SCRT2: variants seen among roughly 807,000 people sequenced by gnomAD.
SCRT2 encodes scratch family transcriptional repressor 2, also known as transcriptional repressor scratch 2.
SCRT2 carries 2 observed loss-of-function variants against 3.7 expected under a neutral mutation model. The ratio of observed to expected loss-of-function variants is 0.54; its 90% CI spans 0.22 to 1.70. The LOEUF (loss-of-function observed/expected upper bound fraction) is 1.70. Ranked by LOEUF, SCRT2 falls within the 40% of genes most tolerant of loss-of-function variation. The pLI, the probability that SCRT2 is intolerant of heterozygous loss-of-function variation, is 0.19. For synonymous variants in SCRT2, 256 were observed against 220.6 expected (o/e 1.16, Z -1.42); for missense variants, 456 against 468.5 (o/e 0.97, Z 0.25).
chr20:674,391 TCTCTCTCTCACACACACA>T (rs1984444015), intron 1 of SCRT2, among the ~76,000 whole-genome samples: 1 of 97,606 alleles, frequency 1.0e-5, no homozygotes, highest in African/African-American at 3.7e-5. Flanking sequence ...TCTCTCTCTC[TCTCTCTCTCACACACACA>T]CACACACACA....
At position 666,382 on chromosome 20, in the gene SCRT2, A is replaced by G. The variant is rs970970145; in HGVS notation, c.134-1921T>C. Among the ~76,000 whole-genome samples, 3 of 150,772 alleles carry G rather than the reference A, an allele frequency of 2.0e-5. No homozygotes were observed. The highest frequency in any genetic ancestry group is 3.0e-5 in the Non-Finnish European group (2 of 67,704). On this transcript the variant is annotated intron_variant, in intron 1 of 1. Coordinates refer to ENST00000246104, the MANE Select transcript of SCRT2 (RefSeq NM_033129.4). This position sits in a 1 kb window ranked among gnomAD's most constrained non-coding sequence, Gnocchi z 4.4. ...TTAAATACCCGTCAGGCACTCCCAG[A>G]CCCCCCTCCTTCTCCTTCTGTATTT...
In SCRT2 at chr20:664,405, G is replaced by T; in HGVS notation, c.190C>A (p.Leu64Met). The T allele has an allele frequency of 7.2e-7, 1 of 1,381,084 alleles. No individual in the cohort carries two copies. Among genetic ancestry groups the T allele is most frequent in the Non-Finnish European group, 9.5e-7 (1 of 1,055,804 alleles). 85.6% of individuals were successfully genotyped at this position (1,381,084 alleles called of 1,614,324 possible). ...SSYDADQKPG[L>M]ELAPAEPAYP... ...GCGGGCTCGGCCGGGGCCAGCTCCA[G>T]GCCCGGCTTCTGGTCCGCATCGTAG... Residue 64 changes from leucine to methionine, a missense_variant, in exon 2 of 2, where the codon CTG (leucine) becomes ATG (methionine). Around this residue, in one of 3 missense-constraint regions of SCRT2, gnomAD observed 306 missense variants for 305.3 expected, o/e 1.00. Coordinates refer to ENST00000246104, the MANE Select transcript of SCRT2 (RefSeq NM_033129.4). The surrounding 1 kb of genome is among the most constrained non-coding windows in gnomAD (Gnocchi z 7.9).
At chr20:672,129 G>A (rs186034976) in intron 1 of SCRT2, among the ~76,000 whole-genome samples, 1 of 152,164 alleles carries the variant, frequency 6.6e-6, no homozygotes, top group Non-Finnish European at 1.5e-5. Context: ...TCACCCAGGG[G>A]AGAAGAGGGG....
At chr20:669,799 C>T (rs1321373983) in intron 1 of SCRT2, among the ~76,000 whole-genome samples, 1 of 152,238 alleles carries the variant, frequency 6.6e-6, no homozygotes, top group Non-Finnish European at 1.5e-5. Flanking sequence ...GTACCTCCCC[C>T]TCCCCTTATT....
In SCRT2 at chr20:675,548, G is replaced by T; in HGVS notation, c.54C>A (p.Ser18Arg). 7.2e-7 allele frequency: 1 copy of T among 1,395,390 alleles called. No individual in the cohort carries two copies. The highest frequency in any genetic ancestry group is 1.8e-5 in the South Asian group (1 of 55,612). 86.4% of individuals were successfully genotyped at this position (1,395,390 alleles called of 1,614,324 possible). Residue 18 changes from serine to arginine, a missense_variant, in exon 1 of 2, where the codon AGC becomes AGA. By Grantham distance (110) the Ser-to-Arg change is moderately radical. This residue lies in a region of SCRT2 where 306 missense variants were observed against 305.3 expected (regional missense o/e 1.00). Transcript: ENST00000246104. This position sits in a 1 kb window ranked among gnomAD's most constrained non-coding sequence, Gnocchi z 6.9. ...GGTGGTAGGTGGGGGCCGGCACCCCGCTGCACTGGAAGCCGTCCCCTTTGA... is the reference window on the plus strand; with the variant it reads ...GGTGGTAGGTGGGGGCCGGCACCCCTCTGCACTGGAAGCCGTCCCCTTTGA... Reference protein sequence around the residue: ...KKIKGDGFQCSGVPAPTYHPL... With the variant: ...KKIKGDGFQCRGVPAPTYHPL...
At position 674,688 on chromosome 20, in the gene SCRT2, A is replaced by AGTGTGTGTGT. The variant is rs759385819; in HGVS notation, c.133+771_133+780dup. Among the ~76,000 whole-genome samples, 22 of 129,440 alleles carry AGTGTGTGTGT rather than the reference A, an allele frequency of 1.7e-4. No homozygotes were observed. In the East Asian group the frequency reaches 2.3e-3, roughly 14 times the overall value. The allele number at this position is 129,440 out of a possible 152,430, so 84.9% of individuals were successfully genotyped here. A position where few individuals can be genotyped will look rare whatever the true frequency, so the allele number is the denominator to read the frequency against. ...AGGAACTTGTTCTGAGAAGAGATGG[A>AGTGTGTGTGT]GTGTGTGTGTGTGTGTGTGTGTGTG... On this transcript the variant is annotated intron_variant, in intron 1 of 1. Transcript: ENST00000246104.
chr20:663,279 CAG>C lies in SCRT2; in HGVS notation c.*390_*391del, dbSNP rs1984018974. ...TTGGGGGCTCCAGTAGAGGAATGGT[CAG>C]AGAGATTCAGCTGAGAAGCGAGAGA... On this transcript the variant is annotated 3_prime_UTR_variant, in exon 2 of 2. Coordinates refer to ENST00000246104, the MANE Select transcript of SCRT2 (RefSeq NM_033129.4). This position sits in a 1 kb window ranked among gnomAD's most constrained non-coding sequence, Gnocchi z 6.9. 5.0e-6 allele frequency: 1 copy of C among 201,328 alleles called. No individual in the cohort carries two copies. The highest frequency in any genetic ancestry group is 6.1e-5 in the Admixed American group (1 of 16,392). The allele number at this position is 201,328 out of a possible 1,614,324, so 12.5% of individuals were successfully genotyped here.
Position 662,970 on chromosome 20 carries a change from C to T in SCRT2, c.*701G>A, listed in dbSNP as rs1395311322. On this transcript the variant is annotated 3_prime_UTR_variant, in exon 2 of 2. Transcript: ENST00000246104. Reference sequence around the variant, plus strand: ...GAGTGGGTGATGAGATCCCCATGGACTGAAGACAGTAGGAACTGTGTGTGG... The same window carrying T: ...GAGTGGGTGATGAGATCCCCATGGATTGAAGACAGTAGGAACTGTGTGTGG... 6.5e-6 allele frequency: 1 copy of T among 152,766 alleles called. No homozygotes were observed. Among genetic ancestry groups the T allele is most frequent in the Non-Finnish European group, 1.5e-5 (1 of 68,530 alleles). 9.5% of individuals were successfully genotyped at this position (152,766 alleles called of 1,614,324 possible). A position where few individuals can be genotyped will look rare whatever the true frequency, so the allele number is the denominator to read the frequency against.
Position 675,310 on chromosome 20 carries a change from G to A in SCRT2, c.133+159C>T, listed in dbSNP as rs752096403. On this transcript the variant is annotated intron_variant, in intron 1 of 1. Coordinates refer to ENST00000246104, the MANE Select transcript of SCRT2 (RefSeq NM_033129.4). The surrounding 1 kb of genome is among the most constrained non-coding windows in gnomAD (Gnocchi z 6.9). ...GTACGACCTAGCCCCTGCCCCGCCC[G>A]CACGGCCCTTGGAAAGCCCGGGAGG... Among the ~76,000 whole-genome samples, 3 of 152,024 alleles carry A rather than the reference G, an allele frequency of 2.0e-5. No individual in the cohort carries two copies. The highest frequency in any genetic ancestry group is 7.2e-5 in the African/African-American group (3 of 41,402).
In SCRT2 at chr20:675,650, G is replaced by A. The variant is rs1342389813; in HGVS notation, c.-49C>T. The A allele has an allele frequency of 6.5e-6, 8 of 1,227,914 alleles. No individual in the cohort carries two copies. The highest frequency in any genetic ancestry group is 1.0e-6 in the Non-Finnish European group (1 of 971,256). 76.1% of individuals were successfully genotyped at this position (1,227,914 alleles called of 1,614,324 possible). Reference sequence around the variant, plus strand: ...TGCGGGGAGGCGGCCGGCCGGGCGCGATCGGCTGTGTCCGCGCGGGTTTTC... The same window carrying A: ...TGCGGGGAGGCGGCCGGCCGGGCGCAATCGGCTGTGTCCGCGCGGGTTTTC... On this transcript the variant is annotated 5_prime_UTR_variant, in exon 1 of 2. Transcript: ENST00000246104. This position sits in a 1 kb window ranked among gnomAD's most constrained non-coding sequence, Gnocchi z 6.9.
Position 664,143 on chromosome 20 carries a change from CCGCCCGCCTGCGCCCCCGCGCGCCCCGCG to C in SCRT2, c.423_451del (p.Ala142ArgfsTer238). On this transcript the variant is annotated frameshift_variant, in exon 2 of 2. Coordinates refer to ENST00000246104, the MANE Select transcript of SCRT2 (RefSeq NM_033129.4). LOFTEE classifies it low-confidence loss of function (END_TRUNC). The surrounding 1 kb of genome is among the most constrained non-coding windows in gnomAD (Gnocchi z 7.9). Reference sequence around the variant, plus strand: ...CTCGGCGCACGCGTGCCGGTGCCCGCCGCCCGCCTGCGCCCCCGCGCGCCCCGCGCGCCCCCCGGCGCCCCCCGCGTCTC... The same window carrying C: ...CTCGGCGCACGCGTGCCGGTGCCCGCCGCCCCCCGGCGCCCCCCGCGTCTC... The C allele has an allele frequency of 7.2e-7, 1 of 1,395,920 alleles. No individual in the cohort carries two copies. Among genetic ancestry groups the C allele is most frequent in the South Asian group, 1.6e-5 (1 of 62,262 alleles). The allele number at this position is 1,395,920 out of a possible 1,614,324, so 86.5% of individuals were successfully genotyped here.
intron 1 of SCRT2, among the ~76,000 whole-genome samples, chr20:674,717 GTGTGTGTGTGTGTGTA>G (rs1435326896): frequency 0.01 from 745 of 72,748 alleles, 7 homozygotes; most frequent in African/African-American, 0.042. Context: ...GTGTGTGTGT[GTGTGTGTGTGTGTGTA>G]TGTGTAGTGA....
chr20:669,255 C>G (rs1243738214), intron 1 of SCRT2, among the ~76,000 whole-genome samples: 1 of 152,192 alleles, frequency 6.6e-6, no homozygotes, highest in African/African-American at 2.4e-5. Flanking sequence ...TGAGCACTTA[C>G]TTGGTGCAAG....
Position 663,783 on chromosome 20 carries a change from C to T in SCRT2, c.812G>A (p.Arg271His), listed in dbSNP as rs760009226. 6.3e-7 allele frequency: 1 copy of T among 1,590,908 alleles called. No homozygotes were observed. ...GAGCGCGAAGCTCTTGTCGCACTGG[C>T]GGCAGCGGTAGTGCTTGAAGGCCGA... ...THSAFKHYRC[R>H]QCDKSFALKS... The change falls in exon 2 of 2, where the codon CGC (arginine) becomes CAC (histidine). Residue 271 changes from arginine (R) to histidine (H), a missense_variant. Around this residue, in one of 3 missense-constraint regions of SCRT2, gnomAD observed 144 missense variants for 141.9 expected, o/e 1.01. Coordinates refer to ENST00000246104, the MANE Select transcript of SCRT2 (RefSeq NM_033129.4). The surrounding 1 kb of genome is among the most constrained non-coding windows in gnomAD (Gnocchi z 6.9).
chr20:665,798 A>T lies in SCRT2; in HGVS notation c.134-1337T>A, dbSNP rs893181485. Among the ~76,000 whole-genome samples the T allele has an allele frequency of 2.0e-5, 3 of 152,084 alleles. No homozygotes were observed. Among genetic ancestry groups the T allele is most frequent in the African/African-American group, 7.2e-5 (3 of 41,396 alleles). Reference sequence around the variant, plus strand: ...GGAGGTTTCCCACCTGGGGAGTGGGATTTGACCTTCTCCTGGTGACCCCTG... The same window carrying T: ...GGAGGTTTCCCACCTGGGGAGTGGGTTTTGACCTTCTCCTGGTGACCCCTG... On this transcript the variant is annotated intron_variant, in intron 1 of 1. Transcript: ENST00000246104. The surrounding 1 kb of genome is among the most constrained non-coding windows in gnomAD (Gnocchi z 5.0).
rs764740282 is a variant in SCRT2, at chr20:662,083, G to A, written c.*1588C>T. ...CCGTGCGCGTGGAGGTGTGTGCTTC[G>A]GTCCTCGCCCGGGCATGCAAAAGCG... On this transcript the variant is annotated 3_prime_UTR_variant, in exon 2 of 2. Coordinates refer to ENST00000246104, the MANE Select transcript of SCRT2 (RefSeq NM_033129.4). 1 of 152,882 alleles carries A rather than the reference G, an allele frequency of 6.5e-6. No homozygotes were observed. The highest frequency in any genetic ancestry group is 2.4e-5 in the African/African-American group (1 of 41,474). The allele number at this position is 152,882 out of a possible 1,614,324, so 9.5% of individuals were successfully genotyped here.
chr20:675,476 C>A lies in SCRT2; in HGVS notation c.126G>T (p.Gly42=). The A allele has an allele frequency of 3.0e-6, 4 of 1,347,864 alleles. No individual in the cohort carries two copies. Among genetic ancestry groups the A allele is most frequent in the Non-Finnish European group, 3.8e-6 (4 of 1,045,398 alleles). The allele number at this position is 1,347,864 out of a possible 1,614,324, so 83.5% of individuals were successfully genotyped here. A position where few individuals can be genotyped will look rare whatever the true frequency, so the allele number is the denominator to read the frequency against. The change falls in exon 1 of 2, where the codon GGG becomes GGT. Residue 42 remains glycine, a synonymous_variant. Coordinates refer to ENST00000246104, the MANE Select transcript of SCRT2 (RefSeq NM_033129.4). The surrounding 1 kb of genome is among the most constrained non-coding windows in gnomAD (Gnocchi z 6.9). ...YVLPGARGPP[G]DNGYAPHRLP... ...CCGCCGGGTCCCACTCACCGTTGTCCCCGGGAGGCCCCCGGGCGCCAGGCA... is the reference window on the plus strand; with the variant it reads ...CCGCCGGGTCCCACTCACCGTTGTCACCGGGAGGCCCCCGGGCGCCAGGCA...
chr20:671,574 T>A (rs1984331963), intron 1 of SCRT2, among the ~76,000 whole-genome samples: 1 of 152,218 alleles, frequency 6.6e-6, no homozygotes, highest in Non-Finnish European at 1.5e-5. Context: ...AATGGATGTG[T>A]GGCAGCTGGG....
chr20:663,690 G>C lies in SCRT2; in HGVS notation c.905C>G (p.Pro302Arg). ...AKAAEPPPPT[P>R]AGPAS ...GAAGGCTCAGCTGGCCGGGCCGGCGGGGGTCGGCGGGGGTGGCTCGGCCGC... is the reference window on the plus strand; with the variant it reads ...GAAGGCTCAGCTGGCCGGGCCGGCGCGGGTCGGCGGGGGTGGCTCGGCCGC... The change falls in exon 2 of 2, where the codon CCC becomes CGC. Residue 302 changes from proline (P) to arginine (R), a missense_variant. This residue lies in a region of SCRT2 where 144 missense variants were observed against 141.9 expected (regional missense o/e 1.01). Transcript: ENST00000246104. The surrounding 1 kb of genome is among the most constrained non-coding windows in gnomAD (Gnocchi z 6.9). 1 of 1,506,526 alleles carries C rather than the reference G, an allele frequency of 6.6e-7. No individual in the cohort carries two copies. Among genetic ancestry groups the C allele is most frequent in the South Asian group, 1.2e-5 (1 of 81,874 alleles). The allele number at this position is 1,506,526 out of a possible 1,614,324, so 93.3% of individuals were successfully genotyped here. A position where few individuals can be genotyped will look rare whatever the true frequency, so the allele number is the denominator to read the frequency against.
Sources: gnomAD v4.1 joint callset for allele counts (sites outside exome capture counted in the v4.1 genomes callset) on GRCh38, gnomAD v4.1.1 for gene constraint, gnomAD v4.1.1 regional missense constraint, Gnocchi (gnomAD v3.1) non-coding constraint, MANE v1.5 for transcripts, NCBI Gene and HGNC (gene_info 2026-07-23, HGNC 2026-07-21) for gene names.